The following C22orf42 variants were observed in gnomAD, a reference collection of about 807,000 sequenced individuals.
C22orf42 encodes uncharacterized protein C22orf42.
C22orf42 carries 24 observed loss-of-function variants against 31.4 expected under a neutral mutation model. That is an observed-to-expected ratio of 0.77 (90% CI 0.55 to 1.08). C22orf42 has a LOEUF of 1.08. Ranked by LOEUF, C22orf42 falls within the 50% of genes least tolerant of loss-of-function variation. C22orf42 has a pLI of 0.00. For missense variants in C22orf42, 276 were observed against 327.3 expected (o/e 0.84, Z 1.21); for synonymous variants, 96 against 112.7 (o/e 0.85, Z 0.94).
chr22:32,153,667 C>G (rs991388211), intron 2 of C22orf42, among the ~76,000 whole-genome samples: 3 of 152,132 alleles, frequency 2.0e-5, no homozygotes, highest in Non-Finnish European at 4.4e-5. Flanking sequence ...ACCATACAAG[C>G]AAGTAATCAT....
At position 32,154,428 on chromosome 22, in the gene C22orf42, C is replaced by T. The variant is rs553081034; in HGVS notation, c.233-110G>A. The T allele has an allele frequency of 6.7e-3, 7,512 of 1,124,480 alleles. 371 individuals carry two copies. The African/African-American group carries it at 0.11, about 16-fold the overall frequency. 69.7% of individuals were successfully genotyped at this position (1,124,480 alleles called of 1,614,324 possible). ...GCAGAGAAATTAGTAAAAACTTATTCACAGATGAAAGTTTTGATCCCGGTT... is the reference window on the plus strand; with the variant it reads ...GCAGAGAAATTAGTAAAAACTTATTTACAGATGAAAGTTTTGATCCCGGTT... On this transcript the variant is annotated intron_variant, in intron 1 of 8. Transcript: ENST00000382097.
intron 1 of C22orf42, among the ~76,000 whole-genome samples, chr22:32,156,784 G>C (rs995247067): frequency 1.7e-4 from 26 of 149,956 alleles, no homozygotes; most frequent in Admixed American, 1.5e-3. Flanking sequence ...TTCCAATATT[G>C]AGCTATTGAA....
intron 1 of C22orf42, 91 bp downstream of exon 1, chr22:32,158,893 G>A (rs1921419319): frequency 7.1e-7 from 1 of 1,399,324 alleles, no homozygotes; most frequent in Non-Finnish European, 1.0e-6. Flanking sequence ...GGAAGCTGAG[G>A]ATGTCTCTGA....
upstream of C22orf42, among the ~76,000 whole-genome samples, chr22:32,159,712 C>T (rs1381564037): frequency 6.6e-6 from 1 of 152,192 alleles, no homozygotes. Flanking sequence ...ATGCTTCTCT[C>T]CTGTCTTACA....
intron 1 of C22orf42, among the ~76,000 whole-genome samples, chr22:32,156,866 C>CAA (rs1311671192): frequency 2.6e-5 from 4 of 152,140 alleles, no homozygotes; most frequent in Non-Finnish European, 5.9e-5. Flanking sequence ...TAAAATGCCT[C>CAA]AAAGTAGGAT....
chr22:32,152,662 G>C (rs755543974), intron 2 of C22orf42, 36 bp from the exon 3 acceptor site: 2 of 1,600,734 alleles, frequency 1.2e-6, no homozygotes, highest in Non-Finnish European at 1.7e-6. Flanking sequence ...GTGCATTGGT[G>C]CTGCTGAGGA....
At position 32,157,295 on chromosome 22, in the gene C22orf42, C is replaced by T. The variant is rs181059965; in HGVS notation, c.232+1689G>A. On this transcript the variant is annotated intron_variant, in intron 1 of 8. Coordinates refer to ENST00000382097, the MANE Select transcript of C22orf42 (RefSeq NM_001010859.3). The stretch of plus-strand genomic sequence containing the variant: ...GCCTGCATTACAGGACATTCTCACA[C>T]AGCCGCTGGTCAGTCTTCTTCTTGG... Among the ~76,000 whole-genome samples, 591 of 152,226 alleles carry T rather than the reference C, an allele frequency of 3.9e-3. 1 individual carries two copies. The highest frequency in any genetic ancestry group is 6.6e-3 in the Non-Finnish European group (446 of 68,036).
At position 32,151,214 on chromosome 22, in the gene C22orf42, T is replaced by C. The variant is rs551512043; in HGVS notation, c.466-195A>G. Among the ~76,000 whole-genome samples, 8 of 152,108 alleles carry C rather than the reference T, an allele frequency of 5.3e-5. No individual in the cohort carries two copies. The East Asian group carries it at 1.5e-3, about 29-fold the overall frequency. ...TTTTTTGGAATATTTAGCAAGTCTATGTTGGCTGGCAAATACAAAATTATT... is the reference window on the plus strand; with the variant it reads ...TTTTTTGGAATATTTAGCAAGTCTACGTTGGCTGGCAAATACAAAATTATT... On this transcript the variant is annotated intron_variant, in intron 5 of 8. Coordinates refer to ENST00000382097, the MANE Select transcript of C22orf42 (RefSeq NM_001010859.3).
At chr22:32,157,065 T>A (rs1441737564) in intron 1 of C22orf42, among the ~76,000 whole-genome samples, 1 of 152,224 alleles carries the variant, frequency 6.6e-6, no homozygotes, top group African/African-American at 2.4e-5. Context: ...CTTTCTCTTA[T>A]GTGTGAAGAT....
upstream of C22orf42, chr22:32,160,267 G>A (rs1293320412): frequency 2.0e-5 from 3 of 152,190 alleles, no homozygotes; most frequent in Non-Finnish European, 2.9e-5. Context: ...AAAGGTAGAC[G>A]TCATGCTTGG....
intron 2 of C22orf42, 147 bp downstream of exon 2, chr22:32,154,097 C>T (rs919081851): frequency 1.6e-6 from 1 of 627,720 alleles, no homozygotes; most frequent in Admixed American, 3.1e-5. Flanking sequence ...TATCATCTAC[C>T]ATTGATTTAA....
intron 7 of C22orf42, 67 bp from the exon 8 acceptor site, chr22:32,149,847 T>G: frequency 7.8e-7 from 1 of 1,274,616 alleles, no homozygotes; most frequent in Non-Finnish European, 1.0e-6. Context: ...CACAGGTCTA[T>G]TATTCACTTG....
chr22:32,157,569 C>T (rs1313485611), intron 1 of C22orf42, among the ~76,000 whole-genome samples: 1 of 152,228 alleles, frequency 6.6e-6, no homozygotes, highest in Non-Finnish European at 1.5e-5. Flanking sequence ...CTCCGCCTCA[C>T]TTTTCAATTT....
Position 32,159,054 on chromosome 22 carries a change from TTTC to T in C22orf42, c.159_161del (p.Lys54del). The stretch of plus-strand genomic sequence containing the variant: ...ACTGCATGAGTTGGGCCTTCTTAGC[TTTC>T]AAATCCAATTTGGCAGGCTTTGCAG... On this transcript the variant is annotated inframe_deletion, in exon 1 of 9. Transcript: ENST00000382097. 3 of 1,614,214 alleles carry T rather than the reference TTTC, an allele frequency of 1.9e-6. No homozygotes were observed. Among genetic ancestry groups the T allele is most frequent in the Non-Finnish European group, 2.5e-6 (3 of 1,180,040 alleles).
At chr22:32,157,075 T>C (rs1226733377) in intron 1 of C22orf42, among the ~76,000 whole-genome samples, 2 of 152,230 alleles carry the variant, frequency 1.3e-5, no homozygotes, top group African/African-American at 4.8e-5. Context: ...TGTGTGAAGA[T>C]GTGTTTAAGG....
In C22orf42 at chr22:32,158,943, G is replaced by C. The variant is rs376397903; in HGVS notation, c.232+41C>G. On this transcript the variant is annotated intron_variant, in intron 1 of 8. Transcript: ENST00000382097. ...AAAGGGGTGGGGGCGGTGGTGGCCA[G>C]AGAGATGCCAGAGAGCAAATGGCAC... 1.8e-4 allele frequency: 295 copies of C among 1,610,854 alleles called. 4 individuals carry two copies. The highest frequency in any genetic ancestry group is 1.8e-3 in the Middle Eastern group (11 of 6,022).
intron 3 of C22orf42, among the ~76,000 whole-genome samples, chr22:32,152,356 CCAAA>C (rs1317176705): frequency 2.0e-5 from 3 of 152,160 alleles, no homozygotes; most frequent in African/African-American, 7.2e-5. Flanking sequence ...ACACTCACTA[CCAAA>C]CAGTTTGTAA....
At chr22:32,155,204 T>C (rs1361435443) in intron 1 of C22orf42, among the ~76,000 whole-genome samples, 2 of 152,180 alleles carry the variant, frequency 1.3e-5, no homozygotes, top group African/African-American at 4.8e-5. Context: ...ACAAGCTTTG[T>C]CAAATCCTGC....
chr22:32,158,841 A>G, intron 1 of C22orf42, 143 bp downstream of exon 1: 1 of 902,010 alleles, frequency 1.1e-6, no homozygotes, highest in East Asian at 2.4e-5. Flanking sequence ...TTTGTCCCCC[A>G]TGCCTAGCCC....
Sources: gnomAD v4.1 joint callset for allele counts (sites outside exome capture counted in the v4.1 genomes callset) on GRCh38, gnomAD v4.1.1 for gene constraint, MANE v1.5 for transcripts, NCBI Gene and HGNC (gene_info 2026-07-23, HGNC 2026-07-21) for gene names.